TOGARAM1: variants seen among roughly 807,000 people sequenced by gnomAD.
The protein encoded by TOGARAM1 is TOG array regulator of axonemal microtubules 1, also known as TOG array regulator of axonemal microtubules protein 1.
Under a neutral mutation model 166.6 loss-of-function variants are expected in TOGARAM1, and 100 were observed. The observed-to-expected ratio is 0.60, with a 90% confidence interval of 0.51 to 0.71. TOGARAM1 has a LOEUF of 0.71. Ranked by LOEUF, TOGARAM1 falls within the 30% of genes least tolerant of loss-of-function variation. The pLI is 0.00. For missense variants in TOGARAM1, 2,029 were observed against 2,102.7 expected (o/e 0.96, Z 0.69); for synonymous variants, 758 against 763.8 (o/e 0.99, Z 0.13).
chr14:45,004,037 A>G (rs1191648758), intron 3 of TOGARAM1, 24 bp from the exon 4 acceptor site: 1 of 1,574,826 alleles, frequency 6.3e-7, no homozygotes, highest in Non-Finnish European at 8.6e-7. Flanking sequence ...CATAAATAAT[A>G]TATTATCTTT....
chr14:45,005,386 G>A (rs1887904623), intron 4 of TOGARAM1, among the ~76,000 whole-genome samples: 1 of 152,124 alleles, frequency 6.6e-6, no homozygotes, highest in African/African-American at 2.4e-5. Flanking sequence ...AGGCCGAGGT[G>A]GTTGGATCCC....
chr14:45,053,974 G>A (rs2138976703), intron 15 of TOGARAM1, among the ~76,000 whole-genome samples: 1 of 152,080 alleles, frequency 6.6e-6, no homozygotes, highest in East Asian at 1.9e-4. Flanking sequence ...CTGCCTCTGG[G>A]TTCAAGGAAT....
At chr14:45,040,070 G>T (rs930037093) in intron 11 of TOGARAM1, among the ~76,000 whole-genome samples, 2 of 152,118 alleles carry the variant, frequency 1.3e-5, no homozygotes, top group Non-Finnish European at 2.9e-5. Context: ...CTTATTCTAG[G>T]CTATAAAACA....
intron 11 of TOGARAM1, among the ~76,000 whole-genome samples, chr14:45,036,889 T>G (rs1881462269): frequency 6.6e-6 from 1 of 152,192 alleles, no homozygotes; most frequent in Non-Finnish European, 1.5e-5. Flanking sequence ...ATTTAACAGT[T>G]CCACATGACT....
In TOGARAM1 at chr14:45,009,402, G is replaced by C. The variant is rs151058780; in HGVS notation, c.3137+257G>C. 7.2e-5 allele frequency among the ~76,000 whole-genome samples: 11 copies of C among 152,238 alleles called. No homozygotes were observed. In the East Asian group the frequency reaches 1.5e-3, roughly 21 times the overall value. On this transcript the variant is annotated intron_variant, in intron 6 of 19. Coordinates refer to ENST00000361462, the MANE Select transcript of TOGARAM1 (RefSeq NM_001308120.2). ...TATAAACCCTGTTCCTAAAGCCCTA[G>C]TTGTTCTTTTTGTCTAGGATTTATC...
rs943504659 is a variant in TOGARAM1, at chr14:45,034,636, CAG to C, written c.3812+2263_3812+2264del. Among the ~76,000 whole-genome samples, 10 of 152,268 alleles carry C rather than the reference CAG, an allele frequency of 6.6e-5. 1 individual carries two copies. Among genetic ancestry groups the C allele is most frequent in the South Asian group, 2.1e-4 (1 of 4,824 alleles). ...TTCACAGGGCATTGGGTAGAATACTCAGAGTTTTGCTCCATAGTGTAGTAAAA... is the reference window on the plus strand; with the variant it reads ...TTCACAGGGCATTGGGTAGAATACTCAGTTTTGCTCCATAGTGTAGTAAAA... On this transcript the variant is annotated intron_variant, in intron 11 of 19. Transcript: ENST00000361462.
At chr14:45,023,267 A>G (rs1202016449) in intron 7 of TOGARAM1, among the ~76,000 whole-genome samples, 1 of 152,172 alleles carries the variant, frequency 6.6e-6, no homozygotes, top group Non-Finnish European at 1.5e-5. Flanking sequence ...GTTATGTTCT[A>G]TATTTTCTTC....
intron 17 of TOGARAM1, 58 bp downstream of exon 17, chr14:45,066,825 A>G: frequency 6.9e-7 from 1 of 1,449,460 alleles, no homozygotes; most frequent in South Asian, 1.4e-5. Context: ...CCTGTAATCC[A>G]AGCACTTTGG....
chr14:44,987,165 A>AAC (rs1886864309), intron 1 of TOGARAM1, among the ~76,000 whole-genome samples: 2 of 151,624 alleles, frequency 1.3e-5, no homozygotes, highest in African/African-American at 4.8e-5. Flanking sequence ...GATGGTCTCG[A>AAC]TCTGACCTCG....
At chr14:45,010,846 A>T (rs1234776692) in intron 6 of TOGARAM1, among the ~76,000 whole-genome samples, 1 of 152,174 alleles carries the variant, frequency 6.6e-6, no homozygotes, top group Non-Finnish European at 1.5e-5. Flanking sequence ...CCTCCTAGAG[A>T]CTGAAATTTC....
intron 16 of TOGARAM1, among the ~76,000 whole-genome samples, chr14:45,061,662 A>G (rs1490624719): frequency 1.3e-5 from 2 of 152,084 alleles, no homozygotes. Flanking sequence ...TTTTGTTACT[A>G]TTGTGAATTA....
intron 2 of TOGARAM1, among the ~76,000 whole-genome samples, chr14:44,998,867 T>A (rs1407255222): frequency 6.6e-6 from 1 of 152,058 alleles, no homozygotes; most frequent in African/African-American, 2.4e-5. Flanking sequence ...ACAGGAAACA[T>A]ATCTGGATAT....
chr14:45,052,623 G>T, intron 15 of TOGARAM1, 61 bp downstream of exon 15: 1 of 1,430,866 alleles, frequency 7.0e-7, no homozygotes. Context: ...TTTACATCCA[G>T]GTAAAGGATA....
chr14:45,001,446 A>C (rs532719874), intron 3 of TOGARAM1, among the ~76,000 whole-genome samples: 5 of 152,340 alleles, frequency 3.3e-5, no homozygotes, highest in African/African-American at 1.2e-4. Flanking sequence ...CAAAGGAAAC[A>C]GTCAACAAAG....
At chr14:45,030,654 C>T (rs1881106766) in intron 10 of TOGARAM1, among the ~76,000 whole-genome samples, 1 of 152,124 alleles carries the variant, frequency 6.6e-6, no homozygotes, top group Admixed American at 6.5e-5. Flanking sequence ...GGTATATCAT[C>T]TTCCTCACAT....
At chr14:44,995,050 T>C (rs931392716) in intron 1 of TOGARAM1, among the ~76,000 whole-genome samples, 6 of 152,196 alleles carry the variant, frequency 3.9e-5, no homozygotes, top group Admixed American at 3.3e-4. Flanking sequence ...GTCATCATTG[T>C]TGAAGAATTT....
In TOGARAM1 at chr14:45,074,188, C is replaced by T. The variant is rs1883505174; in HGVS notation, c.*627C>T. The T allele has an allele frequency of 6.6e-6, 1 of 152,592 alleles. No homozygotes were observed. The highest frequency in any genetic ancestry group is 6.5e-5 in the Admixed American group (1 of 15,278). The allele number at this position is 152,592 out of a possible 1,614,324, so 9.5% of individuals were successfully genotyped here. A position where few individuals can be genotyped will look rare whatever the true frequency, so the allele number is the denominator to read the frequency against. On this transcript the variant is annotated 3_prime_UTR_variant, in exon 20 of 20. Coordinates refer to ENST00000361462, the MANE Select transcript of TOGARAM1 (RefSeq NM_001308120.2). ...AACCAAAGTTTTAGAAAACATTAAACATTTTAAATGCACGTTTAAAAAACG... is the reference window on the plus strand; with the variant it reads ...AACCAAAGTTTTAGAAAACATTAAATATTTTAAATGCACGTTTAAAAAACG...
intron 7 of TOGARAM1, among the ~76,000 whole-genome samples, chr14:45,013,661 C>T (rs977042919): frequency 2.0e-5 from 3 of 152,198 alleles, no homozygotes; most frequent in South Asian, 2.1e-4. Flanking sequence ...AAGTTCATGA[C>T]ATATATAAAG....
At chr14:44,970,482 A>T (rs746234367) in intron 1 of TOGARAM1, among the ~76,000 whole-genome samples, 2 of 152,164 alleles carry the variant, frequency 1.3e-5, no homozygotes, top group Non-Finnish European at 2.9e-5. Flanking sequence ...CAATCATGTC[A>T]TCTGTGAACA....
Sources: allele counts gnomAD v4.1 joint callset (sites outside exome capture counted in the v4.1 genomes callset), GRCh38; gene constraint gnomAD v4.1.1; transcripts MANE v1.5; gene names NCBI Gene and HGNC (gene_info 2026-07-23, HGNC 2026-07-21).